EPC1: variants seen among roughly 807,000 people sequenced by gnomAD.
The protein encoded by EPC1 is enhancer of polycomb 1.
In EPC1, 12 loss-of-function variants were observed where a neutral mutation model predicts 98.4. The observed-to-expected ratio is 0.12, with a 90% CI of 0.08 to 0.20. The LOEUF (loss-of-function observed/expected upper bound fraction) is 0.20, where lower values mean the gene tolerates loss of function less well. EPC1 is among the 10% of genes least tolerant of loss of function. The pLI, the probability that EPC1 is intolerant of heterozygous loss-of-function variation, is 1.00. For missense variants in EPC1, 729 were observed against 990.5 expected (o/e 0.74, Z 3.54); for synonymous variants, 357 against 363.9 (o/e 0.98, Z 0.21).
chr10:32,320,952 A>T (rs1334426581), intron 1 of EPC1, among the ~76,000 whole-genome samples: 1 of 152,088 alleles, frequency 6.6e-6, no homozygotes, highest in Non-Finnish European at 1.5e-5. Context: ...TTATAGTACC[A>T]TTCTCCTCCA....
chr10:32,297,367 C>T (rs953743582), intron 2 of EPC1, among the ~76,000 whole-genome samples: 5 of 151,118 alleles, frequency 3.3e-5, no homozygotes, highest in Admixed American at 1.3e-4. Flanking sequence ...CTGCAACCTC[C>T]GCCTCTCGGG....
chr10:32,310,038 T>C (rs538732291), intron 1 of EPC1, among the ~76,000 whole-genome samples: 11 of 151,718 alleles, frequency 7.3e-5, no homozygotes, highest in Non-Finnish European at 1.2e-4. Context: ...CTACTAAAAA[T>C]ACAAAAATTA....
intron 10 of EPC1, chr10:32,274,076 C>T (rs1257294623): frequency 1.3e-5 from 2 of 151,678 alleles, no homozygotes; most frequent in African/African-American, 4.8e-5. Flanking sequence ...ATTTATTACC[C>T]CCCCAAAAAA....
intron 10 of EPC1, among the ~76,000 whole-genome samples, chr10:32,279,563 T>G (rs1836292335): frequency 6.6e-6 from 1 of 152,180 alleles, no homozygotes; most frequent in African/African-American, 2.4e-5. Flanking sequence ...ATATCTCTTA[T>G]TCGTTTATAA....
At chr10:32,294,795 A>G (rs1416704519) in intron 2 of EPC1, among the ~76,000 whole-genome samples, 1 of 152,178 alleles carries the variant, frequency 6.6e-6, no homozygotes, top group East Asian at 1.9e-4. Context: ...TTCTACTAAC[A>G]TTACAGTCCA....
intron 2 of EPC1, among the ~76,000 whole-genome samples, chr10:32,304,849 G>A (rs1835779376): frequency 1.3e-5 from 2 of 151,438 alleles, no homozygotes; most frequent in South Asian, 4.1e-4. Context: ...AACCCAGGAG[G>A]TGGAGGTTGT....
intron 1 of EPC1, among the ~76,000 whole-genome samples, chr10:32,359,656 C>T (rs763679840): frequency 2.6e-5 from 4 of 152,040 alleles, no homozygotes; most frequent in Admixed American, 6.5e-5. Context: ...TTGAATAGAT[C>T]ATTTTACTCT....
At chr10:32,357,450 GT>G (rs1324610535) in intron 1 of EPC1, among the ~76,000 whole-genome samples, 2 of 152,112 alleles carry the variant, frequency 1.3e-5, no homozygotes, top group African/African-American at 2.4e-5. Context: ...GTCTTTTCTG[GT>G]TTTGTTTGTT....
chr10:32,304,918 TAAAAAAAA>T (rs11351207), intron 2 of EPC1, among the ~76,000 whole-genome samples: 10 of 119,448 alleles, frequency 8.4e-5, no homozygotes, highest in South Asian at 2.8e-4. Flanking sequence ...AACTCCGTCT[TAAAAAAAA>T]AAAAAAAAAA....
At chr10:32,363,301 G>C (rs115047580) in intron 1 of EPC1, among the ~76,000 whole-genome samples, 2 of 152,088 alleles carry the variant, frequency 1.3e-5, no homozygotes, top group Non-Finnish European at 2.9e-5. Flanking sequence ...GGCTGGTCTC[G>C]AACTCCCGTG....
At chr10:32,296,181 C>T (rs898683960) in intron 2 of EPC1, among the ~76,000 whole-genome samples, 7 of 152,028 alleles carry the variant, frequency 4.6e-5, no homozygotes, top group African/African-American at 7.2e-5. Flanking sequence ...ATGATCCACC[C>T]GCCCCGGCCT....
intron 1 of EPC1, among the ~76,000 whole-genome samples, chr10:32,375,772 TA>T (rs886873831): frequency 2.0e-4 from 30 of 152,222 alleles, no homozygotes; most frequent in African/African-American, 7.0e-4. Context: ...AACTGTTGAC[TA>T]AAATGACATT....
At chr10:32,278,454 T>TC (rs1836224841) in intron 10 of EPC1, among the ~76,000 whole-genome samples, 1 of 107,194 alleles carries the variant, frequency 9.3e-6, no homozygotes, top group South Asian at 4.0e-4. Flanking sequence ...GGATCTCGGC[T>TC]CACTGCAAGC....
At chr10:32,348,981 A>C (rs1839029289), upstream of EPC1, among the ~76,000 whole-genome samples, 1 of 152,246 alleles carries the variant, frequency 6.6e-6, no homozygotes, top group Admixed American at 6.5e-5. Context: ...TGAAGGGAAG[A>C]AAGGTATCTT....
Position 32,293,577 on chromosome 10 carries a change from C to T in EPC1, c.459+15G>A. On this transcript the variant is annotated intron_variant, in intron 3 of 13. Coordinates refer to ENST00000319778, the MANE Select transcript of EPC1 (RefSeq NM_001272004.3). ...AGAATATGTATATACTTGTTATATA[C>T]AAATGAAGTTGTACCTGCTGACCAC... 1 of 1,609,492 alleles carries T rather than the reference C, an allele frequency of 6.2e-7. No individual in the cohort carries two copies. The highest frequency in any genetic ancestry group is 8.5e-7 in the Non-Finnish European group (1 of 1,177,986).
At chr10:32,344,112 C>G (rs1838578477) in intron 1 of EPC1, among the ~76,000 whole-genome samples, 2 of 152,136 alleles carry the variant, frequency 1.3e-5, no homozygotes, top group South Asian at 4.1e-4. Context: ...ATTAGAAGTA[C>G]AAAATACTTC....
chr10:32,271,490 C>A, intron 13 of EPC1, 64 bp downstream of exon 13: 1 of 1,517,442 alleles, frequency 6.6e-7, no homozygotes, highest in Non-Finnish European at 8.9e-7. Context: ...AGGTAAAGAA[C>A]GATGCTGGAG....
intron 1 of EPC1, among the ~76,000 whole-genome samples, chr10:32,341,588 G>C (rs1306127664): frequency 1.3e-5 from 2 of 152,158 alleles, no homozygotes; most frequent in Non-Finnish European, 2.9e-5. Context: ...TGCCATTGCT[G>C]ATCATGAAAA....
At chr10:32,361,854 G>A (rs187164274) in intron 1 of EPC1, among the ~76,000 whole-genome samples, 38 of 152,312 alleles carry the variant, frequency 2.5e-4, no homozygotes, top group Admixed American at 1.6e-3. Flanking sequence ...GATGAGATAG[G>A]AGGTCAGCAC....
Sources: gnomAD v4.1 joint callset for allele counts (sites outside exome capture counted in the v4.1 genomes callset) on GRCh38, gnomAD v4.1.1 for gene constraint, MANE v1.5 for transcripts, NCBI Gene and HGNC (gene_info 2026-07-23, HGNC 2026-07-21) for gene names.